Variants in EXTL3 observed in about 807,000 individuals in gnomAD.
EXTL3 encodes exostosin like glycosyltransferase 3.
A neutral mutation model predicts 69.3 loss-of-function variants in EXTL3; 27 were observed. The ratio of observed to expected loss-of-function variants is 0.39; its 90% CI spans 0.29 to 0.54. The LOEUF (loss-of-function observed/expected upper bound fraction) is 0.54. EXTL3 is among the 20% of genes least tolerant of loss of function. The pLI, the probability that EXTL3 is intolerant of heterozygous loss-of-function variation, is 0.69. For missense variants in EXTL3, 1,003 were observed against 1,231.8 expected (o/e 0.81, Z 2.78); for synonymous variants, 511 against 499.4 (o/e 1.02, Z -0.31).
At chr8:28,727,384 A>C (rs1185803987) in intron 3 of EXTL3, among the ~76,000 whole-genome samples, 1 of 152,182 alleles carries the variant, frequency 6.6e-6, no homozygotes, top group Non-Finnish European at 1.5e-5. Flanking sequence ...TACTAAAAAA[A>C]ACTAGTGTGA....
intron 2 of EXTL3, among the ~76,000 whole-genome samples, chr8:28,609,990 G>T (rs142001426): frequency 9.9e-5 from 15 of 151,146 alleles, no homozygotes; most frequent in African/African-American, 2.9e-4. Flanking sequence ...GATCACCTGC[G>T]GTCAGGAGTT....
intron 1 of EXTL3, among the ~76,000 whole-genome samples, chr8:28,690,141 A>G (rs1242220677): frequency 1.3e-5 from 2 of 152,246 alleles, no homozygotes; most frequent in Non-Finnish European, 2.9e-5. Context: ...GGTTGAAAGT[A>G]CAAATATTTA....
rs180795990 is a variant in EXTL3 at position 28,625,082 on chromosome 8, G to C, written c.-53+2272G>C. Among the ~76,000 whole-genome samples the C allele has an allele frequency of 5.9e-5, 9 of 152,282 alleles. 1 individual carries two copies. Among genetic ancestry groups the C allele is most frequent in the African/African-American group, 1.2e-4 (5 of 41,554 alleles). On this transcript the variant is annotated intron_variant, in intron 1 of 6. Transcript: ENST00000523149. ...GGAGGTAAACTTTAAAAACTGACCC[G>C]CAGTTACAGACCGGCACTTAGAGGA...
intron 1 of EXTL3, among the ~76,000 whole-genome samples, chr8:28,674,237 G>T (rs1176386363): frequency 6.6e-6 from 1 of 151,846 alleles, no homozygotes; most frequent in Non-Finnish European, 1.5e-5. Context: ...GTGCCACTTT[G>T]CCCAGCTTTT....
At chr8:28,743,911 T>C (rs1026806083) in intron 6 of EXTL3, 1 of 153,070 alleles carries the variant, frequency 6.5e-6, no homozygotes, top group Admixed American at 6.5e-5. Context: ...ACATAAGTAC[T>C]ATATAAATTA....
intron 6 of EXTL3, chr8:28,744,106 C>T (rs1037431723): frequency 6.6e-6 from 1 of 152,130 alleles, no homozygotes; most frequent in African/African-American, 2.4e-5. Flanking sequence ...ATAGCTCAGT[C>T]CTCACAGAAG....
intron 1 of EXTL3, among the ~76,000 whole-genome samples, chr8:28,659,893 T>G (rs1807079542): frequency 6.6e-6 from 1 of 152,174 alleles, no homozygotes; most frequent in Non-Finnish European, 1.5e-5. Context: ...TAATTCTGCC[T>G]GGGGGTCCAG....
chr8:28,748,995 CAAAAT>C (rs1801948578), intron 6 of EXTL3, among the ~76,000 whole-genome samples: 1 of 152,004 alleles, frequency 6.6e-6, no homozygotes, highest in African/African-American at 2.4e-5. Context: ...GACTGTTTGA[CAAAAT>C]AAAACCAAAA....
chr8:28,613,818 T>G (rs1030207663), intron 2 of EXTL3, among the ~76,000 whole-genome samples: 1 of 150,940 alleles, frequency 6.6e-6, no homozygotes, highest in Non-Finnish European at 1.5e-5. Context: ...GGCCTCTCTT[T>G]TTTAGCCTAT....
chr8:28,635,639 A>T (rs1283869950), intron 1 of EXTL3, among the ~76,000 whole-genome samples: 3 of 149,960 alleles, frequency 2.0e-5, no homozygotes, highest in African/African-American at 2.5e-5. Flanking sequence ...TGAACCTGGG[A>T]GGTGGAGCTT....
rs972036924 is a variant in EXTL3 at position 28,751,443 on chromosome 8, T to A, written c.*577T>A. ...TCATCTCCCATCCTCCCCAGCGCCATCTGTGTGCAGCAACCAGAAAGGGAT... is the reference window on the plus strand; with the variant it reads ...TCATCTCCCATCCTCCCCAGCGCCAACTGTGTGCAGCAACCAGAAAGGGAT... On this transcript the variant is annotated 3_prime_UTR_variant, in exon 7 of 7. Transcript: ENST00000220562. 1.9e-5 allele frequency: 3 copies of A among 154,618 alleles called. No individual in the cohort carries two copies. The highest frequency in any genetic ancestry group is 1.9e-4 in the Admixed American group (3 of 15,770). 9.6% of individuals were successfully genotyped at this position (154,618 alleles called of 1,614,324 possible).
Position 28,717,856 on chromosome 8 carries a change from C to T in EXTL3, c.1797C>T (p.Asp599=). 1 of 1,612,838 alleles carries T rather than the reference C, an allele frequency of 6.2e-7. No homozygotes were observed. The highest frequency in any genetic ancestry group is 8.5e-7 in the Non-Finnish European group (1 of 1,178,884). ...GCAATTTCACTCTGACTGTCACTGA[C>T]TTTTACCGCAGCTGGAACTGTGCTC... ...YLRNFTLTVT[D]FYRSWNCAPG... is the part of the protein sequence containing the mutation. Residue 599 remains aspartate (D), a synonymous_variant, in exon 3 of 7, where the codon GAC becomes GAT. Transcript: ENST00000220562. The surrounding 1 kb of genome is among the most constrained non-coding windows in gnomAD (Gnocchi z 8.3).
At chr8:28,679,019 C>A (rs1441392568) in intron 1 of EXTL3, among the ~76,000 whole-genome samples, 1 of 152,198 alleles carries the variant, frequency 6.6e-6, no homozygotes, top group Non-Finnish European at 1.5e-5. Context: ...TGCCTGGGAC[C>A]AGGGGTGGAC....
chr8:28,719,114 T>C (rs1251722099), intron 3 of EXTL3, among the ~76,000 whole-genome samples: 2 of 152,212 alleles, frequency 1.3e-5, no homozygotes, highest in Admixed American at 6.5e-5. Context: ...GGGCCACACG[T>C]TGCTAGAAGT....
chr8:28,704,755 C>T (rs553963054), intron 1 of EXTL3, among the ~76,000 whole-genome samples: 1 of 152,100 alleles, frequency 6.6e-6, no homozygotes, highest in East Asian at 1.9e-4. Context: ...CTGCAAACTT[C>T]CGCCTCCCAG....
chr8:28,747,529 C>A (rs990270082), intron 6 of EXTL3, among the ~76,000 whole-genome samples: 1 of 152,038 alleles, frequency 6.6e-6, no homozygotes, highest in Non-Finnish European at 1.5e-5. Flanking sequence ...AAAAAATTTC[C>A]CCTTAATTTA....
upstream of EXTL3, chr8:28,697,116 G>A: frequency 6.6e-6 from 1 of 152,146 alleles, no homozygotes; most frequent in Middle Eastern, 3.2e-3. Context: ...AACTTTCATG[G>A]TGTGAGGGCA....
chr8:28,716,278 G>C lies in EXTL3; in HGVS notation c.219G>C (p.Leu73=), dbSNP rs747551309. The stretch of plus-strand genomic sequence containing the variant: ...TTGGTCCCCGGGTGGGGAACGAGCT[G>C]TGCGAGGTGAAGCACGTGCTGGATC... ...RIFGPRVGNE[L]CEVKHVLDLC... The change falls in exon 3 of 7, where the codon CTG becomes CTC. Residue 73 remains leucine (L), a synonymous_variant. Transcript: ENST00000220562. The surrounding 1 kb of genome is among the most constrained non-coding windows in gnomAD (Gnocchi z 7.1). 1.9e-6 allele frequency: 3 copies of C among 1,614,238 alleles called. No homozygotes were observed. In the Admixed American group the frequency reaches 5.0e-5, roughly 27 times the overall value.
chr8:28,741,557 C>T (rs1206211346), intron 5 of EXTL3: 1 of 151,946 alleles, frequency 6.6e-6, no homozygotes, highest in African/African-American at 2.4e-5. Context: ...CTCAAGTGAT[C>T]TTCTCACCTC....
Sources: allele counts gnomAD v4.1 joint callset (sites outside exome capture counted in the v4.1 genomes callset), GRCh38; gene constraint gnomAD v4.1.1; non-coding constraint Gnocchi (gnomAD v3.1); transcripts MANE v1.5; gene names NCBI Gene and HGNC (gene_info 2026-07-23, HGNC 2026-07-21).